GPR33: variants seen among roughly 807,000 people sequenced by gnomAD.
The protein encoded by GPR33 is G protein-coupled receptor 33, also known as probable G protein-coupled receptor 33.
In GPR33, 4 loss-of-function variants were observed where a neutral mutation model predicts 3.1. That is an observed-to-expected ratio of 1.29 (90% CI 0.64 to 2.96). The LOEUF (loss-of-function observed/expected upper bound fraction) is 2.96, where lower values mean the gene tolerates loss of function less well. Ranked by LOEUF, GPR33 falls within the 30% of genes most tolerant of loss-of-function variation. The pLI is 0.01. For missense variants in GPR33, 390 were observed against 388.9 expected (o/e 1.00, Z -0.02); for synonymous variants, 138 against 142.0 (o/e 0.97, Z 0.20).
In GPR33 at chr14:31,483,871, A is replaced by G. The variant is rs1259745881; in HGVS notation, c.95T>C (p.Ile32Thr). 40 of 1,536,012 alleles carry G rather than the reference A, an allele frequency of 2.6e-5. No individual in the cohort carries two copies. The highest frequency in any genetic ancestry group is 3.5e-5 in the Non-Finnish European group (40 of 1,146,882). ...AGATGAAATGTACAAAGAAAGGGCA[A>G]TAATCATTTTTGATGCAGGAGCTAG... ...QFLAPASKMI[I>T]ALSLYISSII... The change falls in exon 2 of 2, where the codon ATT becomes ACT. Residue 32 changes from isoleucine to threonine, a missense_variant. Ile to Thr is a moderately conservative substitution (Grantham distance 89). Transcript: ENST00000399285.
At chr14:31,486,697 AG>A (rs2032422621) in intron 1 of GPR33, among the ~76,000 whole-genome samples, 1 of 152,240 alleles carries the variant, frequency 6.6e-6, no homozygotes. Context: ...GGAGCCCTAC[AG>A]AGGAGAAAGG....
chr14:31,482,899 A>C lies in GPR33; in HGVS notation c.*65T>G, dbSNP rs747470696. The C allele has an allele frequency of 1.5e-6, 2 of 1,303,886 alleles. No homozygotes were observed. The highest frequency in any genetic ancestry group is 5.4e-5 in the Admixed American group (2 of 37,098). 80.8% of individuals were successfully genotyped at this position (1,303,886 alleles called of 1,614,324 possible). A position where few individuals can be genotyped will look rare whatever the true frequency, so the allele number is the denominator to read the frequency against. ...CATACAAAAGCAGAAGGTATATCCT[A>C]TTGGTATAATTGACCAAGTGCGTGT... On this transcript the variant is annotated 3_prime_UTR_variant, in exon 2 of 2. Transcript: ENST00000399285.
At chr14:31,487,407 AC>A (rs2032430162) in intron 1 of GPR33, among the ~76,000 whole-genome samples, 1 of 135,832 alleles carries the variant, frequency 7.4e-6, no homozygotes, top group Non-Finnish European at 1.6e-5. Flanking sequence ...ACTTGTTGAG[AC>A]TTTTTCTCCT....
At chr14:31,485,728 A>G (rs1228492485) in intron 1 of GPR33, among the ~76,000 whole-genome samples, 2 of 152,048 alleles carry the variant, frequency 1.3e-5, no homozygotes, top group African/African-American at 4.8e-5. Flanking sequence ...GTAGGGTTAC[A>G]TGTCTTATCC....
chr14:31,483,302 T>C lies in GPR33; in HGVS notation c.664A>G (p.Ile222Val). 6 of 1,536,056 alleles carry C rather than the reference T, an allele frequency of 3.9e-6. No individual in the cohort carries two copies. The highest frequency in any genetic ancestry group is 2.4e-5 in the East Asian group (1 of 40,914). ...LGFLLPFFII[I>V]FCYERVASKV... ...CTGGCTACTCTTTCATAACAAAAGATGATGATGAAGAAAGGCAGAAGAAAG... is the reference window on the plus strand; with the variant it reads ...CTGGCTACTCTTTCATAACAAAAGACGATGATGAAGAAAGGCAGAAGAAAG... The change falls in exon 2 of 2, where the codon ATC becomes GTC. Residue 222 changes from isoleucine (I) to valine (V), a missense_variant. By Grantham distance (29) the Ile-to-Val change is conservative. Coordinates refer to ENST00000399285, the MANE Select transcript of GPR33 (RefSeq NM_001197184.3).
At chr14:31,484,181 C>G (rs1170907899) in intron 1 of GPR33, among the ~76,000 whole-genome samples, 1 of 152,006 alleles carries the variant, frequency 6.6e-6, no homozygotes, top group African/African-American at 2.4e-5. Flanking sequence ...TCAGATGAAT[C>G]TGAGCATCAA....
At position 31,484,180 on chromosome 14, in the gene GPR33, T is replaced by A. The variant is rs528471167; in HGVS notation, c.-6-209A>T. On this transcript the variant is annotated intron_variant, in intron 1 of 1. Coordinates refer to ENST00000399285, the MANE Select transcript of GPR33 (RefSeq NM_001197184.3). Reference sequence around the variant, plus strand: ...TAATGAGGAATTAAGATCAGATGAATCTGAGCATCAAAAATAGAAATATAT... The same window carrying A: ...TAATGAGGAATTAAGATCAGATGAAACTGAGCATCAAAAATAGAAATATAT... 9.2e-5 allele frequency among the ~76,000 whole-genome samples: 14 copies of A among 152,256 alleles called. 1 individual carries two copies. The South Asian group carries it at 2.9e-3, about 32-fold the overall frequency.
intron 1 of GPR33, among the ~76,000 whole-genome samples, chr14:31,484,916 G>A (rs938013046): frequency 6.6e-6 from 1 of 151,914 alleles, no homozygotes; most frequent in Non-Finnish European, 1.5e-5. Flanking sequence ...ACAAAAGAGG[G>A]AAGTGTATTG....
intron 1 of GPR33, among the ~76,000 whole-genome samples, 159 bp downstream of exon 1, chr14:31,487,738 A>G (rs2032435973): frequency 6.6e-6 from 1 of 152,132 alleles, no homozygotes; most frequent in East Asian, 1.9e-4. Flanking sequence ...GTGCCCAGCC[A>G]CAGGCGGCTT....
chr14:31,484,701 T>C (rs1002193355), intron 1 of GPR33, among the ~76,000 whole-genome samples: 13 of 152,170 alleles, frequency 8.5e-5, no homozygotes, highest in African/African-American at 3.1e-4. Flanking sequence ...AAGTAGCTAA[T>C]GAAATGAATT....
rs1208925394 is a variant in GPR33, at chr14:31,487,443, T to TTTG, written c.-7+453_-7+454insCAA. ...TGCTAAGCCCCTCAGTTTTTTTTTT[T>TTTG]TTTTTTTTTTTTTTCAGATGGAGTC... On this transcript the variant is annotated intron_variant, in intron 1 of 1. Transcript: ENST00000399285. Among the ~76,000 whole-genome samples the TTTG allele has an allele frequency of 6.8e-3, 919 of 134,650 alleles. 20 individuals carry two copies. Among genetic ancestry groups the TTTG allele is most frequent in the African/African-American group, 0.025 (855 of 34,766 alleles). 88.3% of individuals were successfully genotyped at this position (134,650 alleles called of 152,430 possible).
rs1566803864 is a variant in GPR33, at chr14:31,483,560, A to C, written c.406T>G (p.Ser136Ala). ...RYLLTLHPVW[S>A]QQHRTPRWAS... is the part of the protein sequence containing the mutation. ...CAGCGCGGGGTTCGGTGCTGCTGGGACCACACTGGGTGAAGAGTGAGAAGG... is the reference window on the plus strand; with the variant it reads ...CAGCGCGGGGTTCGGTGCTGCTGGGCCCACACTGGGTGAAGAGTGAGAAGG... The change falls in exon 2 of 2, where the codon TCC becomes GCC. Residue 136 changes from serine (S) to alanine (A), a missense_variant. Ser to Ala is a moderately conservative substitution (Grantham distance 99). Transcript: ENST00000399285. 8 of 1,536,146 alleles carry C rather than the reference A, an allele frequency of 5.2e-6. No homozygotes were observed. The highest frequency in any genetic ancestry group is 6.1e-6 in the Non-Finnish European group (7 of 1,146,912).
At position 31,483,062 on chromosome 14, in the gene GPR33, C is replaced by G; in HGVS notation, c.904G>C (p.Val302Leu). Residue 302 changes from valine (V) to leucine (L), a missense_variant, in exon 2 of 2, where the codon GTT (valine) becomes CTT (leucine). By Grantham distance (32) the Val-to-Leu change is conservative (BLOSUM62 1). Transcript: ENST00000399285. ...AAGACCTTTTTGAAATTCTCCCCAACAAATAAGTAGAGTGTGGGAGAAAAG... is the reference window on the plus strand; with the variant it reads ...AAGACCTTTTTGAAATTCTCCCCAAGAAATAAGTAGAGTGTGGGAGAAAAG... ...TIFSPTLYLFVGENFKKVFKK... is the reference protein window; with the variant it reads ...TIFSPTLYLFLGENFKKVFKK... The G allele has an allele frequency of 6.5e-7, 1 of 1,535,964 alleles. No homozygotes were observed. Among genetic ancestry groups the G allele is most frequent in the Non-Finnish European group, 8.7e-7 (1 of 1,146,858 alleles).
intron 1 of GPR33, among the ~76,000 whole-genome samples, chr14:31,487,131 A>G (rs779546811): frequency 1.3e-5 from 2 of 152,130 alleles, no homozygotes; most frequent in East Asian, 3.8e-4. Context: ...CTCTAGAAGG[A>G]CATCTGAAAG....
Position 31,483,614 on chromosome 14 carries a change from A to G in GPR33, c.352T>C (p.Phe118Leu). 1 of 1,536,182 alleles carries G rather than the reference A, an allele frequency of 6.5e-7. No homozygotes were observed. Among genetic ancestry groups the G allele is most frequent in the Non-Finnish European group, 8.7e-7 (1 of 1,146,920 alleles). Reference sequence around the variant, plus strand: ...CGATCAAGACCGATGGCCGAAAGGAAGAAAACAGAGGTGAACATCCCCAGA... The same window carrying G: ...CGATCAAGACCGATGGCCGAAAGGAGGAAAACAGAGGTGAACATCCCCAGA... ...LSLGMFTSVF[F>L]LSAIGLDRYL... Residue 118 changes from phenylalanine to leucine, a missense_variant, in exon 2 of 2, where the codon TTC becomes CTC. By Grantham distance (22) the Phe-to-Leu change is conservative. Coordinates refer to ENST00000399285, the MANE Select transcript of GPR33 (RefSeq NM_001197184.3).
chr14:31,485,829 T>C (rs967279409), intron 1 of GPR33, among the ~76,000 whole-genome samples: 5 of 152,084 alleles, frequency 3.3e-5, no homozygotes, highest in African/African-American at 1.2e-4. Context: ...AATTCATATG[T>C]AGTGTTTTTA....
At position 31,483,919 on chromosome 14, in the gene GPR33, A is replaced by G. The variant is rs2032391210; in HGVS notation, c.47T>C (p.Leu16Ser). The G allele has an allele frequency of 1.3e-6, 2 of 1,535,728 alleles. No homozygotes were observed. Among genetic ancestry groups the G allele is most frequent in the African/African-American group, 2.7e-5 (2 of 73,050 alleles). The change falls in exon 2 of 2, where the codon TTA becomes TCA. Residue 16 changes from leucine (L) to serine (S), a missense_variant. Transcript: ENST00000399285. ...STDYLINAST[L>S]VRNSTQFLAP... Reference sequence around the variant, plus strand: ...TAGAAACTGAGTGCTGTTTCTTACTAAAGTAGAGGCATTGATCAGGTAATC... The same window carrying G: ...TAGAAACTGAGTGCTGTTTCTTACTGAAGTAGAGGCATTGATCAGGTAATC...
intron 1 of GPR33, among the ~76,000 whole-genome samples, chr14:31,484,813 G>A (rs1398686830): frequency 2.0e-5 from 3 of 152,070 alleles, no homozygotes; most frequent in Non-Finnish European, 4.4e-5. Flanking sequence ...CTATTGTCTA[G>A]TATTCTAATA....
Position 31,482,947 on chromosome 14 carries a change from A to C in GPR33, c.*17T>G. The C allele has an allele frequency of 6.8e-7, 1 of 1,480,402 alleles. No individual in the cohort carries two copies. Among genetic ancestry groups the C allele is most frequent in the South Asian group, 1.4e-5 (1 of 73,230 alleles). The allele number at this position is 1,480,402 out of a possible 1,614,324, so 91.7% of individuals were successfully genotyped here. Reference sequence around the variant, plus strand: ...TGTTTGCTTAAGAATCTAGAATTTAAATTTAGGCTTCTGAGTTTAGGTTTG... The same window carrying C: ...TGTTTGCTTAAGAATCTAGAATTTACATTTAGGCTTCTGAGTTTAGGTTTG... On this transcript the variant is annotated 3_prime_UTR_variant, in exon 2 of 2. Coordinates refer to ENST00000399285, the MANE Select transcript of GPR33 (RefSeq NM_001197184.3).
Sources: allele counts gnomAD v4.1 joint callset (sites outside exome capture counted in the v4.1 genomes callset), GRCh38; gene constraint gnomAD v4.1.1; transcripts MANE v1.5; gene names NCBI Gene and HGNC (gene_info 2026-07-23, HGNC 2026-07-21).